STK3: variants seen among roughly 807,000 people sequenced by gnomAD.
The protein encoded by STK3 is serine/threonine kinase 3, also known as serine/threonine-protein kinase 3.
Under a neutral mutation model 58.0 loss-of-function variants are expected in STK3, and 41 were observed. That is an observed-to-expected ratio of 0.71 (90% confidence interval 0.55 to 0.92). STK3 has a LOEUF of 0.92. Ranked by LOEUF, STK3 falls within the 40% of genes least tolerant of loss-of-function variation. STK3 has a pLI of 0.00. For missense variants in STK3, 479 were observed against 602.7 expected, an observed-to-expected ratio of 0.79 and a Z score of 2.15; for synonymous variants, 170 against 191.0, an observed-to-expected ratio of 0.89 and a Z score of 0.91.
intron 10 of STK3, among the ~76,000 whole-genome samples, chr8:98,488,217 T>C (rs901191616): frequency 1.3e-5 from 2 of 152,198 alleles, no homozygotes; most frequent in Non-Finnish European, 2.9e-5. Context: ...TGGTGAAGCA[T>C]GGCTTCATCA....
intron 4 of STK3, among the ~76,000 whole-genome samples, chr8:98,718,314 T>C (rs1000971348): frequency 4.6e-5 from 7 of 152,080 alleles, no homozygotes; most frequent in Non-Finnish European, 8.8e-5. Flanking sequence ...AGGCTGAAGT[T>C]TAATGCACCA....
chr8:98,476,045 G>C (rs1207616312), intron 10 of STK3, among the ~76,000 whole-genome samples: 1 of 152,164 alleles, frequency 6.6e-6, no homozygotes, highest in Non-Finnish European at 1.5e-5. Flanking sequence ...CAAAGGTAGG[G>C]ATACTGGGCA....
At chr8:98,736,866 CAT>C (rs1828637461) in intron 4 of STK3, among the ~76,000 whole-genome samples, 2 of 152,222 alleles carry the variant, frequency 1.3e-5, no homozygotes, top group South Asian at 2.1e-4. Flanking sequence ...GCAAATTATA[CAT>C]AGACAATATC....
At chr8:98,871,176 G>C (rs1275156062) in intron 3 of STK3, among the ~76,000 whole-genome samples, 2 of 152,094 alleles carry the variant, frequency 1.3e-5, no homozygotes, top group Non-Finnish European at 1.5e-5. Flanking sequence ...TTATTTCCGA[G>C]GGCTCTATTC....
At chr8:98,444,373 A>C (rs866266971) in intron 1 of STK3, among the ~76,000 whole-genome samples, 1 of 152,264 alleles carries the variant, frequency 6.6e-6, no homozygotes, top group Middle Eastern at 3.4e-3. Flanking sequence ...CTTATCCTGC[A>C]TGTGATGGAA....
chr8:98,617,068 C>T (rs1234160722), intron 6 of STK3, among the ~76,000 whole-genome samples: 1 of 151,108 alleles, frequency 6.6e-6, no homozygotes, highest in Non-Finnish European at 1.5e-5. Flanking sequence ...GGAAGTAAAG[C>T]TCTCCTCAGC....
chr8:98,485,911 T>C (rs891783600), intron 10 of STK3, among the ~76,000 whole-genome samples: 1 of 152,144 alleles, frequency 6.6e-6, no homozygotes, highest in Non-Finnish European at 1.5e-5. Context: ...AGAATAATGA[T>C]GCATGAGTTA....
intron 6 of STK3, among the ~76,000 whole-genome samples, chr8:98,699,965 G>T (rs1003298494): frequency 6.6e-6 from 1 of 152,254 alleles, no homozygotes; most frequent in Non-Finnish European, 1.5e-5. Flanking sequence ...CCTGCCTCCA[G>T]AGGTGAAGCC....
chr8:98,739,889 G>T lies in STK3; in HGVS notation c.351+9387C>A, dbSNP rs566897978. On this transcript the variant is annotated intron_variant, in intron 4 of 10. Transcript: ENST00000419617. ...GTATAACTAGAATAACCAATACAGA[G>T]AAGTGCTTAAAGGAGCTGATGGAGC... 6.0e-5 allele frequency among the ~76,000 whole-genome samples: 9 copies of T among 150,514 alleles called. No individual in the cohort carries two copies. In the South Asian group the frequency reaches 1.9e-3, roughly 32 times the overall value.
chr8:98,533,267 C>A (rs1003824726), intron 9 of STK3, among the ~76,000 whole-genome samples: 1 of 151,916 alleles, frequency 6.6e-6, no homozygotes, highest in Non-Finnish European at 1.5e-5. Context: ...TCTCTATGTG[C>A]AGATCTTTAG....
chr8:98,913,100 G>A, intron 1 of STK3, among the ~76,000 whole-genome samples: 1 of 148,812 alleles, frequency 6.7e-6, no homozygotes. Context: ...AAACTAAATT[G>A]ATTTTAAAAA....
chr8:98,402,378 C>T (rs1817951442), intron 3 of STK3, among the ~76,000 whole-genome samples: 1 of 152,196 alleles, frequency 6.6e-6, no homozygotes, highest in East Asian at 1.9e-4. Context: ...CTAACACATT[C>T]CTGTGTCCTC....
At chr8:98,591,653 T>C (rs1815325753) in intron 7 of STK3, among the ~76,000 whole-genome samples, 1 of 152,058 alleles carries the variant, frequency 6.6e-6, no homozygotes, top group South Asian at 2.1e-4. Flanking sequence ...TGAGTACAAA[T>C]GAAATTGGAC....
intron 4 of STK3, among the ~76,000 whole-genome samples, chr8:98,738,267 G>A (rs1378934384): frequency 6.6e-6 from 1 of 151,990 alleles, no homozygotes; most frequent in Non-Finnish European, 1.5e-5. Context: ...CACGTCAGGA[G>A]TTCCAGACCA....
At chr8:98,908,077 A>G (rs763121476) in intron 1 of STK3, among the ~76,000 whole-genome samples, 4 of 152,218 alleles carry the variant, frequency 2.6e-5, no homozygotes, top group Non-Finnish European at 5.9e-5. Context: ...AATATTTCTT[A>G]GCACTTTCAT....
chr8:98,835,562 T>C (rs1042212332), intron 3 of STK3, among the ~76,000 whole-genome samples: 2 of 152,072 alleles, frequency 1.3e-5, no homozygotes, highest in Non-Finnish European at 2.9e-5. Flanking sequence ...TGGCCAACAG[T>C]TTCCTTCCCA....
chr8:98,636,457 A>G (rs1819627090), intron 6 of STK3, among the ~76,000 whole-genome samples: 1 of 152,192 alleles, frequency 6.6e-6, no homozygotes, highest in South Asian at 2.1e-4. Context: ...ACGAAAGACT[A>G]TCATGTTAAA....
chr8:98,420,779 C>T (rs993783906), intron 3 of STK3, among the ~76,000 whole-genome samples: 4 of 152,150 alleles, frequency 2.6e-5, no homozygotes, highest in Admixed American at 1.3e-4. Context: ...GGCACAGGGC[C>T]GACGCATCAC....
chr8:98,672,058 A>G (rs1822870823), intron 6 of STK3, among the ~76,000 whole-genome samples: 1 of 152,134 alleles, frequency 6.6e-6, no homozygotes, highest in African/African-American at 2.4e-5. Context: ...ACTGTGCATC[A>G]ATTAAACCTC....
Sources: gnomAD v4.1 joint callset for allele counts (sites outside exome capture counted in the v4.1 genomes callset) on GRCh38, gnomAD v4.1.1 for gene constraint, MANE v1.5 for transcripts, NCBI Gene and HGNC (gene_info 2026-07-23, HGNC 2026-07-21) for gene names.